The following NDUFC2 variants were observed in gnomAD, a reference collection of about 807,000 sequenced individuals.
NDUFC2 encodes NADH dehydrogenase [ubiquinone] 1 subunit C2.
In NDUFC2, 2 loss-of-function variants were observed where a neutral mutation model predicts 10.1. The ratio of observed to expected loss-of-function variants is 0.20; its 90% CI spans 0.08 to 0.62. The LOEUF (loss-of-function observed/expected upper bound fraction) is 0.62. Among genes scored for constraint, NDUFC2 ranks in the 20% least tolerant of loss-of-function variants. The pLI, the probability that NDUFC2 is intolerant of heterozygous loss-of-function variation, is 0.87. For synonymous variants in NDUFC2, 61 were observed against 63.6 expected (o/e 0.96, Z 0.20); for missense variants, 156 against 159.6 (o/e 0.98, Z 0.12).
chr11:78,078,725 CCG>C, intron 1 of NDUFC2, among the ~76,000 whole-genome samples: 1 of 25,664 alleles, frequency 3.9e-5, no homozygotes, highest in Non-Finnish European at 8.0e-5. Flanking sequence ...GAATCAGGAT[CCG>C]CTTTTTTTTT....
chr11:78,070,813 C>T (rs534287264), intron 2 of NDUFC2, among the ~76,000 whole-genome samples: 2 of 152,310 alleles, frequency 1.3e-5, no homozygotes, highest in South Asian at 4.1e-4. Context: ...GCATGAGGCT[C>T]TTGGCACAAC....
chr11:78,078,311 A>T (rs1000301252), intron 1 of NDUFC2, among the ~76,000 whole-genome samples: 1 of 152,216 alleles, frequency 6.6e-6, no homozygotes, highest in Non-Finnish European at 1.5e-5. Context: ...ATAAATTGCC[A>T]TGCTCTGCTA....
In NDUFC2 at chr11:78,070,036, T is replaced by C. The variant is rs1462831955; in HGVS notation, c.311A>G (p.Asp104Gly). 6.5e-7 allele frequency: 1 copy of C among 1,548,100 alleles called. No homozygotes were observed. Among genetic ancestry groups the C allele is most frequent in the East Asian group, 2.2e-5 (1 of 44,530 alleles). The change falls in exon 3 of 3, where the codon GAT (aspartate) becomes GGT (glycine). Residue 104 changes from aspartate (D) to glycine (G), a missense_variant and splice_region_variant. Transcript: ENST00000281031. ...AAAAATTTCACCATATGTTTTCTTA[T>C]CTATAAAAGGAAAGATCATAAAAGA... Reference protein sequence around the residue: ...KLHPEDFPEEDKKTYGEIFEK... With the variant: ...KLHPEDFPEEGKKTYGEIFEK...
chr11:78,078,502 C>A (rs1859346002), intron 1 of NDUFC2, among the ~76,000 whole-genome samples: 1 of 152,108 alleles, frequency 6.6e-6, no homozygotes, highest in African/African-American at 2.4e-5. Flanking sequence ...AAGTTCCTCT[C>A]CTCTTTTCCC....
chr11:78,071,632 TTGTGTATATG>T (rs1859012685), intron 2 of NDUFC2, among the ~76,000 whole-genome samples: 1 of 152,196 alleles, frequency 6.6e-6, no homozygotes, highest in South Asian at 2.1e-4. Flanking sequence ...CACATCTGTG[TTGTGTATATG>T]TGTGTAAAAC....
At chr11:78,078,740 T>TTTTTG (rs1859362421) in intron 1 of NDUFC2, among the ~76,000 whole-genome samples, 1 of 139,326 alleles carries the variant, frequency 7.2e-6, no homozygotes, top group Non-Finnish European at 1.5e-5. Flanking sequence ...TTTTTTTTTT[T>TTTTTG]TTTGAGACAG....
chr11:78,070,410 A>G (rs1858952945), intron 2 of NDUFC2, among the ~76,000 whole-genome samples: 1 of 152,192 alleles, frequency 6.6e-6, no homozygotes, highest in African/African-American at 2.4e-5. Context: ...CAGAATTGCA[A>G]GCAATAAATT....
In NDUFC2 at chr11:78,069,896, T is replaced by G; in HGVS notation, c.*91A>C. ...AATTACAAGGTGTCAACATACAGAT[T>G]AGCATAAGCTTCAACTGTCATAAGA... is the stretch of plus-strand genomic sequence containing the variant. On this transcript the variant is annotated 3_prime_UTR_variant, in exon 3 of 3. Coordinates refer to ENST00000281031, the MANE Select transcript of NDUFC2 (RefSeq NM_004549.6). 1.2e-6 allele frequency: 2 copies of G among 1,612,894 alleles called. No homozygotes were observed. The highest frequency in any genetic ancestry group is 1.7e-6 in the Non-Finnish European group (2 of 1,179,390).
At chr11:78,078,968 C>T (rs904134385) in intron 1 of NDUFC2, among the ~76,000 whole-genome samples, 2 of 151,496 alleles carry the variant, frequency 1.3e-5, no homozygotes, top group African/African-American at 4.8e-5. Context: ...TCAGGCGATC[C>T]GCCCGCCACG....
In NDUFC2 at chr11:78,079,579, C is replaced by CA. The variant is rs1565335295; in HGVS notation, c.165dup (p.Gly56TrpfsTer23). On this transcript the variant is annotated frameshift_variant and splice_region_variant, in exon 1 of 3. Coordinates refer to ENST00000281031, the MANE Select transcript of NDUFC2 (RefSeq NM_004549.6). LOFTEE classifies it high-confidence loss of function. Reference sequence around the variant, plus strand: ...CCGATCCCGGCCGCGCAGCACTCACCAGCCGTCGCGATCGGCCTCCGCCGG... The same window carrying CA: ...CCGATCCCGGCCGCGCAGCACTCACCAAGCCGTCGCGATCGGCCTCCGCCGG... 1 of 1,550,710 alleles carries CA rather than the reference C, an allele frequency of 6.4e-7. No homozygotes were observed. The highest frequency in any genetic ancestry group is 8.7e-7 in the Non-Finnish European group (1 of 1,147,482).
rs1858902677 is a variant in NDUFC2, at chr11:78,069,599, C to T, written c.*388G>A. 8 of 438,014 alleles carry T rather than the reference C, an allele frequency of 1.8e-5. No homozygotes were observed. In the East Asian group the frequency reaches 2.8e-4, roughly 15 times the overall value. The allele number at this position is 438,014 out of a possible 1,614,324, so 27.1% of individuals were successfully genotyped here. ...CTGAAAGGGCTACATATTAATTAGG[C>T]TTTGCAGGCCATAGGTCTCTATCAC... is the stretch of plus-strand genomic sequence containing the variant. On this transcript the variant is annotated 3_prime_UTR_variant, in exon 3 of 3. Transcript: ENST00000281031.
chr11:78,073,975 A>G (rs949473895), intron 1 of NDUFC2, among the ~76,000 whole-genome samples: 7 of 151,480 alleles, frequency 4.6e-5, no homozygotes, highest in African/African-American at 1.7e-4. Flanking sequence ...AGGCTCAAGC[A>G]ATCCTCTCAC....
chr11:78,075,522 A>C (rs1225149793), intron 1 of NDUFC2, among the ~76,000 whole-genome samples: 2 of 152,214 alleles, frequency 1.3e-5, no homozygotes, highest in Non-Finnish European at 2.9e-5. Context: ...TTATTTTAAC[A>C]TTTCCTGCTA....
chr11:78,072,869 T>C (rs943677278), intron 2 of NDUFC2, 129 bp downstream of exon 2: 17 of 1,274,186 alleles, frequency 1.3e-5, no homozygotes, highest in Admixed American at 5.7e-5. Flanking sequence ...AAGAGAATTT[T>C]GGTCTATAGA....
Position 78,079,561 on chromosome 11 carries a change from C to G in NDUFC2, c.166+18G>C. On this transcript the variant is annotated intron_variant, in intron 1 of 2. Coordinates refer to ENST00000281031, the MANE Select transcript of NDUFC2 (RefSeq NM_004549.6). Reference sequence around the variant, plus strand: ...GACCCCTTCTCCTCCCAGCCGATCCCGGCCGCGCAGCACTCACCAGCCGTC... The same window carrying G: ...GACCCCTTCTCCTCCCAGCCGATCCGGGCCGCGCAGCACTCACCAGCCGTC... The G allele has an allele frequency of 6.5e-7, 1 of 1,547,948 alleles. No homozygotes were observed. Among genetic ancestry groups the G allele is most frequent in the Non-Finnish European group, 8.7e-7 (1 of 1,146,188 alleles).
chr11:78,079,324 A>C (rs1859405401), intron 1 of NDUFC2, among the ~76,000 whole-genome samples: 1 of 152,130 alleles, frequency 6.6e-6, no homozygotes, highest in Non-Finnish European at 1.5e-5. Flanking sequence ...CGAACTGAGG[A>C]GAGTAGTTTC....
chr11:78,072,599 G>C (rs1859057228), intron 2 of NDUFC2, among the ~76,000 whole-genome samples: 1 of 152,226 alleles, frequency 6.6e-6, no homozygotes, highest in Non-Finnish European at 1.5e-5. Context: ...CCTGAACCAG[G>C]GTAGTGGTAG....
intron 2 of NDUFC2, among the ~76,000 whole-genome samples, chr11:78,071,388 A>C (rs531935): frequency 0.86 from 131,355 of 151,892 alleles, 56,934 homozygotes; most frequent in African/African-American, 0.91. Flanking sequence ...TCCCAAGTCA[A>C]TGGGTCTATA....
intron 1 of NDUFC2, among the ~76,000 whole-genome samples, chr11:78,073,877 C>CT (rs879863501): frequency 0.021 from 2,772 of 131,388 alleles, 88 homozygotes; most frequent in African/African-American, 0.069. Flanking sequence ...CCTACATATT[C>CT]TTTTTTTTTT....
Sources: allele counts gnomAD v4.1 joint callset (sites outside exome capture counted in the v4.1 genomes callset), GRCh38; gene constraint gnomAD v4.1.1; transcripts MANE v1.5; gene names NCBI Gene and HGNC (gene_info 2026-07-23, HGNC 2026-07-21).